The following TAFA5 variants were observed in gnomAD, a reference collection of about 807,000 sequenced individuals.
The protein encoded by TAFA5 is chemokine-like protein TAFA-5.
In TAFA5, 6 loss-of-function variants were observed where a neutral mutation model predicts 15.3. The observed-to-expected ratio is 0.39, with a 90% confidence interval of 0.21 to 0.77. The LOEUF is 0.77. TAFA5 is among the 30% of genes least tolerant of loss of function. The probability of loss-of-function intolerance (pLI) is 0.41; values close to 1 mark genes in which losing one functional copy is unlikely to be tolerated. For missense variants in TAFA5, 161 were observed against 193.1 expected (o/e 0.83, Z 0.98); for synonymous variants, 103 against 80.7 (o/e 1.28, Z -1.48).
chr22:48,549,592 C>T (rs1836444740), intron 1 of TAFA5, among the ~76,000 whole-genome samples: 1 of 152,204 alleles, frequency 6.6e-6, no homozygotes, highest in Non-Finnish European at 1.5e-5. Flanking sequence ...GGCGCAGGTG[C>T]CTCCCAAGGG....
chr22:48,701,158 C>T (rs569761316), intron 2 of TAFA5, among the ~76,000 whole-genome samples: 2 of 152,266 alleles, frequency 1.3e-5, no homozygotes, highest in South Asian at 2.1e-4. Context: ...GTCTCAGGAC[C>T]GGCTCCTTCC....
chr22:48,562,091 C>T (rs1289471342), intron 1 of TAFA5, among the ~76,000 whole-genome samples: 3 of 152,204 alleles, frequency 2.0e-5, no homozygotes, highest in Admixed American at 1.3e-4. Flanking sequence ...GCCATCTCTG[C>T]TGCCCTCCTT....
intron 1 of TAFA5, among the ~76,000 whole-genome samples, chr22:48,632,051 A>G (rs1926249196): frequency 6.6e-6 from 1 of 152,172 alleles, no homozygotes; most frequent in African/African-American, 2.4e-5. Context: ...TCATGTGAAA[A>G]CCAGGAATCC....
chr22:48,521,253 T>C (rs1262349828), intron 1 of TAFA5, among the ~76,000 whole-genome samples: 3 of 152,118 alleles, frequency 2.0e-5, no homozygotes, highest in Non-Finnish European at 4.4e-5. Flanking sequence ...ATAAAGTCAG[T>C]GCATTCCAGG....
chr22:48,589,839 C>T (rs1186918564), intron 1 of TAFA5, among the ~76,000 whole-genome samples: 1 of 152,058 alleles, frequency 6.6e-6, no homozygotes, highest in Admixed American at 6.5e-5. Flanking sequence ...CCCAAGACAC[C>T]TTGATTTCCA....
At chr22:48,561,774 G>A (rs1408896228) in intron 1 of TAFA5, among the ~76,000 whole-genome samples, 1 of 152,246 alleles carries the variant, frequency 6.6e-6, no homozygotes, top group Non-Finnish European at 1.5e-5. Flanking sequence ...GGGAGCAGAC[G>A]TTGAGTCACT....
At chr22:48,645,888 G>A (rs538304968) in intron 1 of TAFA5, among the ~76,000 whole-genome samples, 58 of 152,310 alleles carry the variant, frequency 3.8e-4, no homozygotes, top group African/African-American at 5.8e-4. Context: ...CACTCCAGGG[G>A]TGTGTTGCGT....
chr22:48,688,141 G>A (rs11204499), intron 2 of TAFA5, among the ~76,000 whole-genome samples: 1 of 151,590 alleles, frequency 6.6e-6, no homozygotes, highest in Admixed American at 6.6e-5. Context: ...TGATGACCCA[G>A]ACTTGGAGGG....
intron 1 of TAFA5, among the ~76,000 whole-genome samples, chr22:48,499,654 A>G (rs1013135684): frequency 6.6e-6 from 1 of 152,128 alleles, no homozygotes; most frequent in Non-Finnish European, 1.5e-5. Context: ...TCCACTCTAC[A>G]CTGGATGCTG....
chr22:48,637,649 C>A (rs1203812524), intron 1 of TAFA5, among the ~76,000 whole-genome samples: 1 of 152,130 alleles, frequency 6.6e-6, no homozygotes, highest in African/African-American at 2.4e-5. Context: ...CCCGCACCCT[C>A]GCTCAGGTGT....
chr22:48,648,718 A>G (rs1413137815), intron 2 of TAFA5, among the ~76,000 whole-genome samples: 1 of 152,038 alleles, frequency 6.6e-6, no homozygotes, highest in East Asian at 1.9e-4. Context: ...TGCACCAGCT[A>G]CTCGGGAGGC....
chr22:48,576,080 C>G (rs1303726454), intron 1 of TAFA5, among the ~76,000 whole-genome samples: 1 of 134,926 alleles, frequency 7.4e-6, no homozygotes, highest in Middle Eastern at 4.1e-3. Flanking sequence ...GCGCAATCCG[C>G]GGCCCGCCGT....
At chr22:48,629,677 G>C (rs1926144371) in intron 1 of TAFA5, among the ~76,000 whole-genome samples, 1 of 152,180 alleles carries the variant, frequency 6.6e-6, no homozygotes, top group Admixed American at 6.5e-5. Context: ...AGCTGTGGTT[G>C]TTCCAACGTG....
chr22:48,747,716 G>A (rs1930367711), intron 3 of TAFA5, among the ~76,000 whole-genome samples: 1 of 152,028 alleles, frequency 6.6e-6, no homozygotes, highest in South Asian at 2.1e-4. Flanking sequence ...AGCCAACATG[G>A]TGAAAGTCCA....
chr22:48,665,783 G>A (rs924365350), intron 2 of TAFA5, among the ~76,000 whole-genome samples: 5 of 152,218 alleles, frequency 3.3e-5, no homozygotes, highest in Non-Finnish European at 5.9e-5. Flanking sequence ...AGCCGGAGCT[G>A]AGATCACACG....
chr22:48,534,920 T>G (rs1601561320), intron 1 of TAFA5, among the ~76,000 whole-genome samples: 1 of 152,128 alleles, frequency 6.6e-6, no homozygotes, highest in Non-Finnish European at 1.5e-5. Flanking sequence ...GAGGCTGAGC[T>G]GCAGCCTCAG....
intron 3 of TAFA5, among the ~76,000 whole-genome samples, chr22:48,708,972 T>A (rs1457843932): frequency 6.6e-6 from 1 of 152,152 alleles, no homozygotes; most frequent in Non-Finnish European, 1.5e-5. Flanking sequence ...TCCCTGGGGT[T>A]CTAACGTAAT....
At chr22:48,694,690 A>T (rs1362122310) in intron 2 of TAFA5, among the ~76,000 whole-genome samples, 3 of 152,064 alleles carry the variant, frequency 2.0e-5, no homozygotes, top group Non-Finnish European at 2.9e-5. Flanking sequence ...CCCGGGCCAC[A>T]GTGCCCTGGC....
At chr22:48,515,275 A>C (rs1333661459) in intron 1 of TAFA5, among the ~76,000 whole-genome samples, 1 of 152,108 alleles carries the variant, frequency 6.6e-6, no homozygotes. Flanking sequence ...GCAGAGACTC[A>C]GATAAGCAGG....
Sources: allele counts gnomAD v4.1 joint callset (sites outside exome capture counted in the v4.1 genomes callset), GRCh38; gene constraint gnomAD v4.1.1; transcripts MANE v1.5; gene names NCBI Gene and HGNC (gene_info 2026-07-23, HGNC 2026-07-21).